CNTN4: variants seen among roughly 807,000 people sequenced by gnomAD.
CNTN4 encodes contactin-4.
In CNTN4, 77 loss-of-function variants were observed where a neutral mutation model predicts 122.5. That is an observed-to-expected ratio of 0.63 (90% CI 0.52 to 0.76). CNTN4 has a LOEUF of 0.76. Among genes scored for constraint, CNTN4 ranks in the 30% least tolerant of loss-of-function variants. The pLI is 0.00. For synonymous variants in CNTN4, 512 were observed against 447.0 expected, an observed-to-expected ratio of 1.15 and a Z score of -1.83; for missense variants, 1,256 against 1,259.1, an observed-to-expected ratio of 1.00 and a Z score of 0.04.
At chr3:3,019,904 T>A (rs1474240281) in intron 14 of CNTN4, among the ~76,000 whole-genome samples, 4 of 151,106 alleles carry the variant, frequency 2.6e-5, no homozygotes, top group African/African-American at 9.7e-5. Context: ...GGAGTGTATA[T>A]GAAGGTGAAA....
chr3:2,629,826 T>C (rs1231940438), intron 4 of CNTN4, among the ~76,000 whole-genome samples: 1 of 152,200 alleles, frequency 6.6e-6, no homozygotes, highest in Non-Finnish European at 1.5e-5. Flanking sequence ...CATGATACTC[T>C]GGTATCAGTT....
At chr3:2,264,919 A>C (rs375569164) in intron 2 of CNTN4, among the ~76,000 whole-genome samples, 6 of 152,052 alleles carry the variant, frequency 3.9e-5, no homozygotes, top group African/African-American at 1.4e-4. Context: ...TACATGAATA[A>C]GTTCTTTAGT....
At chr3:2,162,158 C>G (rs2035991404) in intron 2 of CNTN4, among the ~76,000 whole-genome samples, 1 of 152,070 alleles carries the variant, frequency 6.6e-6, no homozygotes, top group Non-Finnish European at 1.5e-5. Flanking sequence ...TTCCTATACG[C>G]ATTATATTCA....
chr3:2,599,268 T>G (rs576339479), intron 4 of CNTN4, among the ~76,000 whole-genome samples: 1 of 152,318 alleles, frequency 6.6e-6, no homozygotes. Context: ...ATGATGAAAC[T>G]GAGGCTTATA....
At chr3:2,779,244 G>A (rs1286470777) in intron 6 of CNTN4, among the ~76,000 whole-genome samples, 2 of 129,146 alleles carry the variant, frequency 1.5e-5, no homozygotes, top group African/African-American at 7.0e-5. Context: ...GGTGTTGTTT[G>A]TTTTGTTTGT....
chr3:2,166,311 A>G (rs1175970718), intron 2 of CNTN4, among the ~76,000 whole-genome samples: 1 of 152,032 alleles, frequency 6.6e-6, no homozygotes, highest in Non-Finnish European at 1.5e-5. Context: ...GTTATTATCT[A>G]TTATTTTTGA....
chr3:2,213,004 A>T (rs79550509), intron 2 of CNTN4, among the ~76,000 whole-genome samples: 1 of 152,196 alleles, frequency 6.6e-6, no homozygotes, highest in Non-Finnish European at 1.5e-5. Flanking sequence ...TGAAATAATG[A>T]ATTTTTCATT....
intron 3 of CNTN4, among the ~76,000 whole-genome samples, chr3:2,523,598 G>A (rs1162374730): frequency 2.0e-5 from 3 of 151,958 alleles, no homozygotes; most frequent in African/African-American, 7.2e-5. Flanking sequence ...ACATGACCTT[G>A]GCTTTGAACT....
chr3:2,483,309 A>G (rs2076058961), intron 3 of CNTN4, among the ~76,000 whole-genome samples: 1 of 152,070 alleles, frequency 6.6e-6, no homozygotes, highest in South Asian at 2.1e-4. Flanking sequence ...GGGCGTATTT[A>G]CCCAATATCT....
chr3:2,745,969 C>T (rs530048335), intron 6 of CNTN4, among the ~76,000 whole-genome samples: 2 of 151,914 alleles, frequency 1.3e-5, no homozygotes, highest in Admixed American at 1.3e-4. Flanking sequence ...CAAATAAATT[C>T]ACACACTGAG....
chr3:2,679,564 C>A (rs2085055728), intron 4 of CNTN4, among the ~76,000 whole-genome samples: 1 of 152,058 alleles, frequency 6.6e-6, no homozygotes, highest in African/African-American at 2.4e-5. Flanking sequence ...TTTAAGAGTC[C>A]TTGGATACTT....
intron 4 of CNTN4, among the ~76,000 whole-genome samples, chr3:2,629,916 T>C (rs1007171439): frequency 2.0e-5 from 3 of 152,186 alleles, no homozygotes; most frequent in Admixed American, 6.5e-5. Context: ...GGGTTTTCTC[T>C]ATGTTTCTCG....
At chr3:2,691,254 A>T (rs1559392120) in intron 4 of CNTN4, among the ~76,000 whole-genome samples, 1 of 152,158 alleles carries the variant, frequency 6.6e-6, no homozygotes, top group Non-Finnish European at 1.5e-5. Flanking sequence ...CATTGATCAT[A>T]TTATAAACCA....
chr3:2,800,120 G>A (rs930686978), intron 6 of CNTN4, among the ~76,000 whole-genome samples: 3 of 148,316 alleles, frequency 2.0e-5, no homozygotes, highest in Non-Finnish European at 4.5e-5. Context: ...GGCTATTCAG[G>A]TTCCACAGGT....
chr3:2,464,688 G>T (rs1406823586), intron 3 of CNTN4, among the ~76,000 whole-genome samples: 1 of 152,212 alleles, frequency 6.6e-6, no homozygotes, highest in African/African-American at 2.4e-5. Flanking sequence ...GGAACAAAAT[G>T]CATTTTATCA....
intron 3 of CNTN4, among the ~76,000 whole-genome samples, chr3:2,495,181 T>G (rs2076421515): frequency 6.6e-6 from 1 of 152,230 alleles, no homozygotes. Flanking sequence ...ATGTCTAAAA[T>G]GACAGGCCTT....
intron 3 of CNTN4, among the ~76,000 whole-genome samples, chr3:2,514,822 T>G (rs564993198): frequency 6.6e-6 from 1 of 152,312 alleles, no homozygotes; most frequent in African/African-American, 2.4e-5. Context: ...GACATGTGAC[T>G]TAGCTGTCAT....
At chr3:2,433,107 C>G (rs2151216533) in intron 3 of CNTN4, among the ~76,000 whole-genome samples, 1 of 152,238 alleles carries the variant, frequency 6.6e-6, no homozygotes, top group Non-Finnish European at 1.5e-5. Context: ...TAGGCATGAG[C>G]CACAGTGCCC....
chr3:2,438,679 A>G (rs111626924), intron 3 of CNTN4, among the ~76,000 whole-genome samples: 149 of 152,332 alleles, frequency 9.8e-4, no homozygotes, highest in African/African-American at 3.5e-3. Context: ...GACTCAGTAC[A>G]GTTAATGATA....
Sources: allele counts gnomAD v4.1 joint callset (sites outside exome capture counted in the v4.1 genomes callset), GRCh38; gene constraint gnomAD v4.1.1; transcripts MANE v1.5; gene names NCBI Gene and HGNC (gene_info 2026-07-23, HGNC 2026-07-21).